Variants in PRH1 observed in about 807,000 individuals in gnomAD.
PRH1 encodes the protein salivary acidic proline-rich phosphoprotein 1/2.
A neutral mutation model predicts 7.9 loss-of-function variants in PRH1; 7 were observed. That is an observed-to-expected ratio of 0.89 (90% CI 0.50 to 1.67). The LOEUF (loss-of-function observed/expected upper bound fraction) is 1.67. Among genes scored for constraint, PRH1 ranks in the 40% most tolerant of loss-of-function variants. The pLI is 0.00. For missense variants in PRH1, 109 were observed against 223.6 expected, an observed-to-expected ratio of 0.49 and a Z score of 3.27; for synonymous variants, 45 against 80.8, an observed-to-expected ratio of 0.56 and a Z score of 2.38.
At position 11,021,911 on chromosome 12, in the gene PRH1, T is replaced by G. The variant is rs200095330; in HGVS notation, c.-126+25109A>C. On this transcript the variant is annotated intron_variant, in intron 1 of 3. Transcript: ENST00000539853. Reference sequence around the variant, plus strand: ...TGCAAAGCTTTTATATGGACCTTGGTGCTGGGATCTTGAGATCCTTTGCTA... The same window carrying G: ...TGCAAAGCTTTTATATGGACCTTGGGGCTGGGATCTTGAGATCCTTTGCTA... 1.7e-4 allele frequency: 270 copies of G among 1,614,220 alleles called. 3 individuals are homozygous for G. The East Asian group carries it at 5.6e-3, about 33-fold the overall frequency.
chr12:10,975,695 C>T (rs967587827), intron 1 of PRH1, among the ~76,000 whole-genome samples: 37 of 149,986 alleles, frequency 2.5e-4, no homozygotes, highest in African/African-American at 7.9e-4. Context: ...TGTAATGATA[C>T]GCATAGGCTC....
Position 11,020,375 on chromosome 12 carries a change from T to G in PRH1, c.-126+26645A>C, listed in dbSNP as rs757412793. On this transcript the variant is annotated intron_variant, in intron 1 of 3. Coordinates refer to the PRH1 transcript ENST00000539853. ...ACGTATGATAAGCGATATATATATA[T>G]ATATATATATATATATGTCTATAGA... is the stretch of plus-strand genomic sequence containing the variant. 2.8e-3 allele frequency among the ~76,000 whole-genome samples: 348 copies of G among 126,436 alleles called. 11 individuals are homozygous for G. In the South Asian group the frequency reaches 0.028, roughly 10 times the overall value. The allele number at this position is 126,436 out of a possible 152,430, so 82.9% of individuals were successfully genotyped here. A position where few individuals can be genotyped will look rare whatever the true frequency, so the allele number is the denominator to read the frequency against.
At chr12:11,144,678 C>T (rs1946811385) in intron 1 of PRH1, among the ~76,000 whole-genome samples, 1 of 152,168 alleles carries the variant, frequency 6.6e-6, no homozygotes, top group African/African-American at 2.4e-5. Flanking sequence ...GGGGTTTTAC[C>T]CCCTGCTCCT....
At chr12:10,977,845 T>C (rs972213620) in intron 1 of PRH1, among the ~76,000 whole-genome samples, 1 of 152,140 alleles carries the variant, frequency 6.6e-6, no homozygotes, top group Admixed American at 6.5e-5. Context: ...GGAATACAGC[T>C]GACCAGGGAG....
intron 1 of PRH1, among the ~76,000 whole-genome samples, chr12:11,036,304 A>C (rs1233680120): frequency 1.3e-5 from 2 of 152,274 alleles, no homozygotes; most frequent in East Asian, 3.8e-4. Flanking sequence ...GACATCTGAC[A>C]TAAGTAGACT....
At chr12:10,914,428 A>T (rs894925604) in intron 2 of PRH1, among the ~76,000 whole-genome samples, 7 of 152,356 alleles carry the variant, frequency 4.6e-5, no homozygotes, top group Non-Finnish European at 1.0e-4. Context: ...GGAAGATTAC[A>T]TAATTGTTTT....
intron 1 of PRH1, chr12:11,092,388 A>C: frequency 2.8e-6 from 1 of 359,012 alleles, no homozygotes; most frequent in South Asian, 2.8e-5. Flanking sequence ...AAGAGTGAGC[A>C]ACAGCAAGGT....
chr12:10,978,900 A>AAAAC (rs138083935), intron 1 of PRH1, among the ~76,000 whole-genome samples: 137 of 151,228 alleles, frequency 9.1e-4, no homozygotes, highest in African/African-American at 2.3e-3. Flanking sequence ...TGCCTATTAC[A>AAAAC]AAACAAACAA....
chr12:11,033,233 G>A (rs550210474), intron 1 of PRH1, among the ~76,000 whole-genome samples: 6 of 152,134 alleles, frequency 3.9e-5, no homozygotes, highest in Non-Finnish European at 7.3e-5. Flanking sequence ...AGGGCATGGT[G>A]GTGTGCACCT....
At chr12:11,002,569 TTATATA>T (rs1940644156) in intron 1 of PRH1, among the ~76,000 whole-genome samples, 1 of 152,112 alleles carries the variant, frequency 6.6e-6, no homozygotes, top group African/African-American at 2.4e-5. Flanking sequence ...CTCTATACAA[TTATATA>T]GCATACAAAC....
downstream of PRH1, among the ~76,000 whole-genome samples, chr12:11,119,716 T>C (rs1013735807): frequency 2.3e-4 from 35 of 152,200 alleles, no homozygotes; most frequent in African/African-American, 8.4e-4. Context: ...ATTCCACATA[T>C]TGACAGTAAT....
In PRH1 at chr12:10,910,322, A is replaced by G. The variant is rs192849146; in HGVS notation, c.-58-26047T>C. Among the ~76,000 whole-genome samples the G allele has an allele frequency of 8.5e-5, 13 of 152,344 alleles. No homozygotes were observed. The East Asian group carries it at 2.3e-3, about 27-fold the overall frequency. On this transcript the variant is annotated intron_variant, in intron 2 of 3. Transcript: ENST00000539853. Reference sequence around the variant, plus strand: ...ATAATAAAATAGAACAATTAAAACAATATACTATAATAAAAGTTGCCAGGG... The same window carrying G: ...ATAATAAAATAGAACAATTAAAACAGTATACTATAATAAAAGTTGCCAGGG...
At chr12:10,881,734 A>G (rs996669900) in intron 3 of PRH1, among the ~76,000 whole-genome samples, 11 of 152,200 alleles carry the variant, frequency 7.2e-5, no homozygotes, top group Non-Finnish European at 1.0e-4. Flanking sequence ...GTTCAGTGAG[A>G]TTAGTTTTTG....
chr12:10,909,361 A>G (rs1949861350), intron 2 of PRH1: 2 of 1,196,610 alleles, frequency 1.7e-6, no homozygotes, highest in Non-Finnish European at 2.4e-6. Flanking sequence ...CTAAAATGCT[A>G]TTCACATCCT....
chr12:10,933,342 C>A (rs1016937804), intron 2 of PRH1, among the ~76,000 whole-genome samples: 1 of 151,856 alleles, frequency 6.6e-6, no homozygotes, highest in Non-Finnish European at 1.5e-5. Flanking sequence ...CCAAAAGCAC[C>A]TTCATGGAAG....
At chr12:10,979,032 C>G (rs1331962294) in intron 1 of PRH1, among the ~76,000 whole-genome samples, 2 of 152,086 alleles carry the variant, frequency 1.3e-5, no homozygotes, top group African/African-American at 4.8e-5. Flanking sequence ...TTCTCACTTA[C>G]AAGTGGGAGC....
At chr12:10,892,425 AT>A (rs1949587637) in intron 2 of PRH1, among the ~76,000 whole-genome samples, 1 of 152,178 alleles carries the variant, frequency 6.6e-6, no homozygotes, top group Non-Finnish European at 1.5e-5. Context: ...AGATTAAGAG[AT>A]GAGTCCAGAG....
intron 2 of PRH1, among the ~76,000 whole-genome samples, chr12:10,910,507 T>G (rs1949881911): frequency 6.6e-6 from 1 of 152,048 alleles, no homozygotes; most frequent in African/African-American, 2.4e-5. Flanking sequence ...TGTTAAAATA[T>G]ATAGTGTGGT....
intron 1 of PRH1, among the ~76,000 whole-genome samples, chr12:11,068,534 A>G (rs1484386886): frequency 2.6e-5 from 4 of 152,198 alleles, no homozygotes; most frequent in African/African-American, 9.6e-5. Context: ...GGTCTGAAAG[A>G]CATTTGGAGG....
Sources: allele counts gnomAD v4.1 joint callset (sites outside exome capture counted in the v4.1 genomes callset), GRCh38; gene constraint gnomAD v4.1.1; transcripts MANE v1.5; gene names NCBI Gene and HGNC (gene_info 2026-07-23, HGNC 2026-07-21).